CACNA1C: variants seen among roughly 807,000 people sequenced by gnomAD.
CACNA1C encodes voltage-dependent L-type calcium channel subunit alpha-1C.
In CACNA1C, 30 loss-of-function variants were observed where a neutral mutation model predicts 229.0. The ratio of observed to expected loss-of-function variants is 0.13; its 90% CI spans 0.10 to 0.18. The LOEUF (loss-of-function observed/expected upper bound fraction) is 0.18, where lower values mean the gene tolerates loss of function less well. Among genes scored for constraint, CACNA1C ranks in the 10% least tolerant of loss-of-function variants. CACNA1C has a pLI of 1.00. For missense variants in CACNA1C, 1,658 were observed against 2,845.0 expected (o/e 0.58, Z 9.49); for synonymous variants, 1,114 against 1,132.5 (o/e 0.98, Z 0.33).
At chr12:2,099,569 A>G (rs1158280038) in intron 1 of CACNA1C, among the ~76,000 whole-genome samples, 2 of 152,130 alleles carry the variant, frequency 1.3e-5, no homozygotes, top group Non-Finnish European at 2.9e-5. Context: ...TATTGGAAGT[A>G]TACTTAAGCA....
rs1334932161 is a variant in CACNA1C, at chr12:2,607,080, G to C, written c.3306G>C (p.Leu1102=). ...ENSKFDFDNV[L]AAMMALFTVS... Reference sequence around the variant, plus strand: ...GCAAGTTTGACTTTGACAATGTTCTGGCAGCCATGATGGCCCTCTTCACCG... The same window carrying C: ...GCAAGTTTGACTTTGACAATGTTCTCGCAGCCATGATGGCCCTCTTCACCG... The change falls in exon 26 of 47, where the codon CTG becomes CTC. Residue 1102 remains leucine, a synonymous_variant. Coordinates refer to ENST00000399655, the MANE Select transcript of CACNA1C (RefSeq NM_000719.7). The C allele has an allele frequency of 1.2e-6, 2 of 1,613,932 alleles. No homozygotes were observed. Among genetic ancestry groups the C allele is most frequent in the East Asian group, 2.2e-5 (1 of 44,870 alleles).
intron 3 of CACNA1C, among the ~76,000 whole-genome samples, chr12:2,130,356 G>C (rs2091903026): frequency 6.8e-6 from 1 of 146,432 alleles, no homozygotes. Context: ...ACATTGTGCA[G>C]GTTAGTTACA....
chr12:2,277,606 G>A (rs75705537), intron 3 of CACNA1C, among the ~76,000 whole-genome samples: 10,467 of 152,256 alleles, frequency 0.069, 523 homozygotes, highest in African/African-American at 0.13. Flanking sequence ...AAGATCTCCA[G>A]GAGGAGGCCC....
At chr12:2,084,862 C>T (rs1273231104) in intron 1 of CACNA1C, among the ~76,000 whole-genome samples, 1 of 152,150 alleles carries the variant, frequency 6.6e-6, no homozygotes, top group East Asian at 1.9e-4. Context: ...TGAATTTTTT[C>T]ATCTAAGTAT....
chr12:1,991,455 G>C (rs2039395917), intron 1 of CACNA1C: 1 of 214,286 alleles, frequency 4.7e-6, no homozygotes, highest in African/African-American at 2.3e-5. Context: ...AAAGAAGCAA[G>C]TGAAATTAAT....
intron 3 of CACNA1C, among the ~76,000 whole-genome samples, chr12:2,235,161 C>T (rs1377306638): frequency 1.3e-5 from 2 of 152,228 alleles, no homozygotes; most frequent in Admixed American, 6.5e-5. Context: ...GGCCTGCTCC[C>T]GGGGGAATAC....
chr12:2,372,892 G>A (rs1225840351), intron 3 of CACNA1C, among the ~76,000 whole-genome samples: 4 of 152,244 alleles, frequency 2.6e-5, no homozygotes, highest in Non-Finnish European at 5.9e-5. Flanking sequence ...GGGCTCGTTA[G>A]CAATGGTAGC....
chr12:2,466,500 C>T (rs1341801436), intron 5 of CACNA1C, among the ~76,000 whole-genome samples: 1 of 152,284 alleles, frequency 6.6e-6, no homozygotes, highest in East Asian at 1.9e-4. Context: ...TCTTGGAGTC[C>T]CAGAGAAGAT....
chr12:2,409,332 T>G (rs1183168547), intron 3 of CACNA1C, among the ~76,000 whole-genome samples: 1 of 152,150 alleles, frequency 6.6e-6, no homozygotes, highest in African/African-American at 2.4e-5. Context: ...ACCACTAAAG[T>G]GACAGGTGTA....
At chr12:2,225,881 A>G (rs2062814484) in intron 3 of CACNA1C, among the ~76,000 whole-genome samples, 1 of 152,138 alleles carries the variant, frequency 6.6e-6, no homozygotes, top group African/African-American at 2.4e-5. Flanking sequence ...GAGAGTGAGG[A>G]CGCCATACAA....
chr12:2,617,479 CAG>C (rs1225486644), intron 29 of CACNA1C, among the ~76,000 whole-genome samples: 1 of 152,254 alleles, frequency 6.6e-6, no homozygotes, highest in African/African-American at 2.4e-5. Flanking sequence ...TCTGAGCTGA[CAG>C]AGGCTGTTGC....
chr12:2,538,535 A>G (rs1454625872), intron 9 of CACNA1C, among the ~76,000 whole-genome samples: 1 of 152,076 alleles, frequency 6.6e-6, no homozygotes, highest in African/African-American at 2.4e-5. Context: ...TTTTCCTTAG[A>G]AGAGATCCTC....
At chr12:2,061,807 A>G (rs1217552429) in intron 1 of CACNA1C, among the ~76,000 whole-genome samples, 1 of 152,214 alleles carries the variant, frequency 6.6e-6, no homozygotes, top group Non-Finnish European at 1.5e-5. Context: ...ACCTAAACCC[A>G]ACTTCCCAGT....
intron 9 of CACNA1C, among the ~76,000 whole-genome samples, chr12:2,523,264 G>A (rs907112587): frequency 5.9e-5 from 9 of 152,078 alleles, no homozygotes; most frequent in East Asian, 1.9e-4. Context: ...TCTTGCTCAC[G>A]GAAAGAAAAA....
intron 9 of CACNA1C, among the ~76,000 whole-genome samples, chr12:2,523,742 C>T (rs1319204290): frequency 6.6e-6 from 1 of 152,288 alleles, no homozygotes; most frequent in East Asian, 1.9e-4. Context: ...CTTTGCAAAT[C>T]GATCTATACA....
chr12:2,435,466 G>A (rs923280053), intron 3 of CACNA1C, among the ~76,000 whole-genome samples: 3 of 152,188 alleles, frequency 2.0e-5, no homozygotes, highest in African/African-American at 7.2e-5. Flanking sequence ...GTGGGCCCTC[G>A]GCACAGGCCG....
chr12:2,450,141 A>G (rs1312328788), intron 4 of CACNA1C, among the ~76,000 whole-genome samples: 1 of 152,238 alleles, frequency 6.6e-6, no homozygotes. Flanking sequence ...AATGCAAAGA[A>G]TCTTAAATAA....
intron 1 of CACNA1C, among the ~76,000 whole-genome samples, chr12:2,085,573 TA>T (rs1163134703): frequency 1.3e-5 from 2 of 152,158 alleles, no homozygotes. Flanking sequence ...GGGGTAATTA[TA>T]AATACCCTTA....
At chr12:2,276,798 TG>T (rs1374182536) in intron 3 of CACNA1C, among the ~76,000 whole-genome samples, 1 of 152,078 alleles carries the variant, frequency 6.6e-6, no homozygotes, top group African/African-American at 2.4e-5. Flanking sequence ...CAAGTTCAGC[TG>T]GAGTGCATTG....
Sources: gnomAD v4.1 joint callset for allele counts (sites outside exome capture counted in the v4.1 genomes callset) on GRCh38, gnomAD v4.1.1 for gene constraint, MANE v1.5 for transcripts, NCBI Gene and HGNC (gene_info 2026-07-23, HGNC 2026-07-21) for gene names.